The following LRP1B variants were observed in gnomAD, a reference collection of about 807,000 sequenced individuals.
LRP1B encodes LDL receptor related protein 1B, also known as low-density lipoprotein receptor-related protein 1B.
Under a neutral mutation model 556.6 loss-of-function variants are expected in LRP1B, and 217 were observed. The observed-to-expected ratio is 0.39, with a 90% CI of 0.35 to 0.44. The LOEUF is 0.44. Ranked by LOEUF, LRP1B falls within the 20% of genes least tolerant of loss-of-function variation. The pLI is 1.00. For synonymous variants in LRP1B, 2,047 were observed against 1,865.8 expected, an observed-to-expected ratio of 1.10 and a Z score of -2.50; for missense variants, 5,053 against 5,620.8, an observed-to-expected ratio of 0.90 and a Z score of 3.23.
chr2:141,691,144 T>C (rs566313970), intron 2 of LRP1B, among the ~76,000 whole-genome samples: 1 of 151,908 alleles, frequency 6.6e-6, no homozygotes, highest in African/African-American at 2.4e-5. Context: ...ACTTTGTTAC[T>C]GTTGACTTTA....
intron 60 of LRP1B, among the ~76,000 whole-genome samples, chr2:140,466,478 CT>C (rs1687554401): frequency 3.3e-5 from 5 of 152,176 alleles, no homozygotes; most frequent in South Asian, 4.1e-4. Context: ...ATATGAGGCT[CT>C]TCAGGTCTAG....
intron 11 of LRP1B, among the ~76,000 whole-genome samples, chr2:141,041,493 C>A (rs1022283425): frequency 1.3e-5 from 2 of 152,018 alleles, no homozygotes; most frequent in Non-Finnish European, 2.9e-5. Context: ...CATCCTCTTG[C>A]TTCCATAGTC....
intron 32 of LRP1B, among the ~76,000 whole-genome samples, chr2:140,813,300 A>G (rs921659608): frequency 6.6e-6 from 1 of 152,210 alleles, no homozygotes; most frequent in African/African-American, 2.4e-5. Context: ...ATTCTTTATT[A>G]AATGGAGATA....
At chr2:141,383,159 A>C (rs1689702041) in intron 3 of LRP1B, among the ~76,000 whole-genome samples, 1 of 152,186 alleles carries the variant, frequency 6.6e-6, no homozygotes, top group African/African-American at 2.4e-5. Flanking sequence ...GTGAATCAAA[A>C]CCACAATGAG....
intron 83 of LRP1B, among the ~76,000 whole-genome samples, chr2:140,301,494 G>A (rs1289953079): frequency 1.3e-5 from 2 of 152,080 alleles, no homozygotes; most frequent in African/African-American, 4.8e-5. Context: ...TCAAAAGGCA[G>A]TTATACTCTC....
chr2:140,662,472 C>T (rs1383354003), intron 41 of LRP1B, among the ~76,000 whole-genome samples: 1 of 151,974 alleles, frequency 6.6e-6, no homozygotes, highest in Non-Finnish European at 1.5e-5. Context: ...AATTAAATTA[C>T]ACAAACACCA....
chr2:140,552,208 T>C (rs1414665074), intron 43 of LRP1B, among the ~76,000 whole-genome samples: 1 of 152,148 alleles, frequency 6.6e-6, no homozygotes, highest in Non-Finnish European at 1.5e-5. Flanking sequence ...CCTAGTATCG[T>C]ATTACAGACT....
At chr2:141,464,825 G>C (rs1201819918) in intron 3 of LRP1B, among the ~76,000 whole-genome samples, 1 of 151,514 alleles carries the variant, frequency 6.6e-6, no homozygotes, top group Non-Finnish European at 1.5e-5. Context: ...TTTCTTAATT[G>C]AGATCTCACT....
rs188470400 is a variant in LRP1B, at chr2:140,685,658, G to T, written c.6799+14592C>A. Among the ~76,000 whole-genome samples, 245 of 152,226 alleles carry T rather than the reference G, an allele frequency of 1.6e-3. 3 individuals are homozygous for T. Among genetic ancestry groups the T allele is most frequent in the African/African-American group, 5.6e-3 (231 of 41,538 alleles). On this transcript the variant is annotated intron_variant, in intron 41 of 90. Coordinates refer to ENST00000389484, the MANE Select transcript of LRP1B (RefSeq NM_018557.3). ...AACAAACAATATCAGTCAAAGAATT[G>T]CTTTTACTCTGCAAATGAAGCTTTC...
At chr2:140,710,736 GA>G (rs1247999035) in intron 37 of LRP1B, among the ~76,000 whole-genome samples, 1 of 151,972 alleles carries the variant, frequency 6.6e-6, no homozygotes, top group African/African-American at 2.4e-5. Context: ...TATCAGTGGA[GA>G]AAACTGTCCT....
chr2:141,118,316 A>C (rs2104988410), intron 7 of LRP1B, among the ~76,000 whole-genome samples: 1 of 152,006 alleles, frequency 6.6e-6, no homozygotes, highest in Admixed American at 6.6e-5. Flanking sequence ...TTATTACAAA[A>C]CTTTGATTAT....
At chr2:141,201,797 C>CT (rs1297920450) in intron 6 of LRP1B, among the ~76,000 whole-genome samples, 2 of 152,076 alleles carry the variant, frequency 1.3e-5, no homozygotes, top group Admixed American at 1.3e-4. Context: ...GGACTGAATA[C>CT]TTTTAGTGGA....
intron 83 of LRP1B, among the ~76,000 whole-genome samples, chr2:140,306,036 G>C (rs1684049397): frequency 7.0e-6 from 1 of 143,374 alleles, no homozygotes; most frequent in Non-Finnish European, 1.6e-5. Flanking sequence ...TTTTTGATGT[G>C]CTGCTGGATT....
intron 1 of LRP1B, among the ~76,000 whole-genome samples, chr2:141,833,527 A>G (rs932895276): frequency 2.0e-5 from 3 of 151,906 alleles, no homozygotes; most frequent in African/African-American, 4.8e-5. Flanking sequence ...CAGGAATAGT[A>G]TATTCATTAA....
chr2:140,811,020 C>A (rs1381236032), intron 32 of LRP1B, among the ~76,000 whole-genome samples: 1 of 152,168 alleles, frequency 6.6e-6, no homozygotes, highest in African/African-American at 2.4e-5. Flanking sequence ...CAGGCGTAAG[C>A]CACTGTGCCC....
chr2:141,833,000 C>T (rs1042628580), intron 1 of LRP1B, among the ~76,000 whole-genome samples: 3 of 151,478 alleles, frequency 2.0e-5, no homozygotes, highest in African/African-American at 7.3e-5. Context: ...TTTCAATTGC[C>T]TGTCTTTATA....
intron 6 of LRP1B, among the ~76,000 whole-genome samples, chr2:141,225,749 A>G (rs1260239092): frequency 6.6e-6 from 1 of 152,184 alleles, no homozygotes; most frequent in Non-Finnish European, 1.5e-5. Context: ...TTTATTAAGC[A>G]TATTATTATC....
chr2:140,916,305 C>T (rs1694578072), intron 21 of LRP1B, among the ~76,000 whole-genome samples: 1 of 152,002 alleles, frequency 6.6e-6, no homozygotes, highest in African/African-American at 2.4e-5. Context: ...TCTAATAATC[C>T]AGATTGGTTT....
At chr2:141,983,981 A>G (rs1473732608) in intron 1 of LRP1B, among the ~76,000 whole-genome samples, 2 of 152,132 alleles carry the variant, frequency 1.3e-5, no homozygotes, top group South Asian at 2.1e-4. Flanking sequence ...GAATCGCTTG[A>G]ACCCTGGAGG....
Sources: allele counts gnomAD v4.1 joint callset (sites outside exome capture counted in the v4.1 genomes callset), GRCh38; gene constraint gnomAD v4.1.1; transcripts MANE v1.5; gene names NCBI Gene and HGNC (gene_info 2026-07-23, HGNC 2026-07-21).